IRAK1BP1: variants seen among roughly 807,000 people sequenced by gnomAD.
IRAK1BP1 encodes interleukin 1 receptor associated kinase 1 binding protein 1.
A neutral mutation model predicts 28.0 loss-of-function variants in IRAK1BP1; 24 were observed. The ratio of observed to expected loss-of-function variants is 0.86; its 90% CI spans 0.62 to 1.20. The LOEUF (loss-of-function observed/expected upper bound fraction) is 1.20, where lower values mean the gene tolerates loss of function less well. Ranked by LOEUF, IRAK1BP1 falls within the 50% of genes most tolerant of loss-of-function variation. The pLI is 0.00. For synonymous variants in IRAK1BP1, 131 were observed against 116.3 expected (o/e 1.13, Z -0.81); for missense variants, 336 against 316.7 (o/e 1.06, Z -0.46).
At chr6:78,925,225 C>T (rs377750959) in intron 4 of IRAK1BP1, among the ~76,000 whole-genome samples, 10 of 152,032 alleles carry the variant, frequency 6.6e-5, no homozygotes, top group East Asian at 3.9e-4. Context: ...TGTTAAATGA[C>T]GGAGTTAGTG....
the IRAK1BP1 span, among the ~76,000 whole-genome samples, chr6:78,971,974 C>T: frequency 1.1e-4 from 17 of 152,324 alleles, no homozygotes; most frequent in East Asian, 2.3e-3. Context: ...ATTGCCCAGG[C>T]TTGCTTAGGT....
the IRAK1BP1 span, among the ~76,000 whole-genome samples, chr6:78,977,837 A>ACT: frequency 6.6e-6 from 1 of 152,106 alleles, no homozygotes; most frequent in Admixed American, 6.6e-5. Context: ...CTTTAGAATC[A>ACT]CTCTAGCATT....
intron 1 of IRAK1BP1, among the ~76,000 whole-genome samples, chr6:78,870,092 A>C (rs1359969925): frequency 6.8e-6 from 1 of 146,460 alleles, no homozygotes; most frequent in Non-Finnish European, 1.5e-5. Flanking sequence ...CTGGGCAACA[A>C]GAGTGAAACT....
In IRAK1BP1 at chr6:78,940,966, G is replaced by C. The variant is rs930842042; in HGVS notation, c.*68-4442G>C. Reference sequence around the variant, plus strand: ...TCCTTAACACTTTGACACTTGCAGGGACTAGGAGATCTGCATCTAATTTTT... The same window carrying C: ...TCCTTAACACTTTGACACTTGCAGGCACTAGGAGATCTGCATCTAATTTTT... On this transcript the variant is annotated intron_variant and NMD_transcript_variant, in intron 4 of 4. Transcript: ENST00000606868. 3.9e-5 allele frequency: 63 copies of C among 1,613,586 alleles called. No homozygotes were observed. Among genetic ancestry groups the C allele is most frequent in the Non-Finnish European group, 5.3e-5 (62 of 1,179,730 alleles).
At chr6:78,871,301 A>G in intron 1 of IRAK1BP1, 1 of 985,154 alleles carries the variant, frequency 1.0e-6, no homozygotes, top group Non-Finnish European at 1.2e-6. Context: ...ATGCATATCT[A>G]AGTTCTAGTG....
chr6:78,961,496 G>A, the IRAK1BP1 span, among the ~76,000 whole-genome samples: 1 of 151,938 alleles, frequency 6.6e-6, no homozygotes, highest in Non-Finnish European at 1.5e-5. Context: ...CGACATTACT[G>A]GGACTTGTTA....
chr6:78,923,372 AC>A (rs1772796131), intron 4 of IRAK1BP1, among the ~76,000 whole-genome samples: 1 of 152,148 alleles, frequency 6.6e-6, no homozygotes, highest in Admixed American at 6.5e-5. Flanking sequence ...GAGCTAACTC[AC>A]CTAAATATAT....
At chr6:78,869,374 G>C (rs1214017214) in intron 1 of IRAK1BP1, among the ~76,000 whole-genome samples, 2 of 152,144 alleles carry the variant, frequency 1.3e-5, no homozygotes, top group East Asian at 3.9e-4. Context: ...ACAAAAATTA[G>C]GTGGGCATGG....
the IRAK1BP1 span, among the ~76,000 whole-genome samples, chr6:78,977,684 T>C: frequency 6.6e-6 from 1 of 152,158 alleles, no homozygotes; most frequent in Non-Finnish European, 1.5e-5. Flanking sequence ...GTTGAAATAA[T>C]GTATTAAATA....
At chr6:78,944,204 G>T (rs1773677212) in intron 4 of IRAK1BP1, among the ~76,000 whole-genome samples, 1 of 152,032 alleles carries the variant, frequency 6.6e-6, no homozygotes, top group East Asian at 1.9e-4. Context: ...AAGAGAGAAA[G>T]AAGGTAAAAG....
the IRAK1BP1 span, chr6:78,955,939 G>A: frequency 4.1e-6 from 1 of 245,918 alleles, no homozygotes; most frequent in Admixed American, 5.6e-5. Flanking sequence ...TTAGGTATCT[G>A]CTGTGCTTCT....
At chr6:78,931,153 C>G (rs948219053) in intron 4 of IRAK1BP1, among the ~76,000 whole-genome samples, 1 of 152,004 alleles carries the variant, frequency 6.6e-6, no homozygotes, top group Admixed American at 6.6e-5. Flanking sequence ...GTAATCTTAG[C>G]ACATTGGAAG....
the IRAK1BP1 span, among the ~76,000 whole-genome samples, chr6:78,952,657 T>TA: frequency 2.0e-5 from 3 of 152,140 alleles, no homozygotes; most frequent in Non-Finnish European, 4.4e-5. Context: ...TTACACTTAC[T>TA]ATCTCTTTAG....
At chr6:78,949,749 T>C (rs1459335433), downstream of IRAK1BP1, among the ~76,000 whole-genome samples, 1 of 151,992 alleles carries the variant, frequency 6.6e-6, no homozygotes, top group East Asian at 1.9e-4. Flanking sequence ...AGTTCAGTGG[T>C]ATCATCTTGG....
downstream of IRAK1BP1, among the ~76,000 whole-genome samples, chr6:78,903,763 G>A (rs1007039927): frequency 1.3e-5 from 2 of 151,872 alleles, no homozygotes. Context: ...TTCAGAATAA[G>A]ACACTTTTTC....
intron 4 of IRAK1BP1, among the ~76,000 whole-genome samples, chr6:78,916,183 T>G (rs1772554534): frequency 6.6e-6 from 1 of 152,218 alleles, no homozygotes; most frequent in East Asian, 1.9e-4. Flanking sequence ...AAAGTTATTT[T>G]CTTGGGCTTA....
chr6:78,940,548 G>GTT (rs36155238), intron 4 of IRAK1BP1: 7,560 of 82,378 alleles, frequency 0.092, 1,883 homozygotes, highest in African/African-American at 0.2. Context: ...TCGTAAGTTT[G>GTT]TTTTTTTTTT....
Position 78,901,296 on chromosome 6 carries a change from A to G in IRAK1BP1, c.*2962A>G, listed in dbSNP as rs1312081783. The G allele has an allele frequency of 2.0e-5, 3 of 152,014 alleles. No individual in the cohort carries two copies. The highest frequency in any genetic ancestry group is 4.1e-4 in the South Asian group (2 of 4,828). 9.4% of individuals were successfully genotyped at this position (152,014 alleles called of 1,614,324 possible). On this transcript the variant is annotated 3_prime_UTR_variant, in exon 4 of 4. Transcript: ENST00000369940. ...AAAGTATACAATCCTACATTTTTCT[A>G]TAGAAGAGCTTAGGGAAGAAATCAT...
the IRAK1BP1 span, chr6:78,970,867 G>A: frequency 6.2e-7 from 1 of 1,606,540 alleles, no homozygotes; most frequent in East Asian, 2.2e-5. Context: ...TAGGCTTCAT[G>A]TCCTTGTCGG....
Sources: allele counts gnomAD v4.1 joint callset (sites outside exome capture counted in the v4.1 genomes callset), GRCh38; gene constraint gnomAD v4.1.1; transcripts MANE v1.5; gene names NCBI Gene and HGNC (gene_info 2026-07-23, HGNC 2026-07-21).